Variants in PCDHAC1 observed in about 807,000 individuals in gnomAD.
PCDHAC1 encodes protocadherin alpha-C1.
PCDHAC1 carries 42 observed loss-of-function variants against 60.0 expected under a neutral mutation model. The observed-to-expected ratio is 0.70, with a 90% confidence interval of 0.55 to 0.90. PCDHAC1 has a LOEUF of 0.90. Among genes scored for constraint, PCDHAC1 ranks in the 40% least tolerant of loss-of-function variants. PCDHAC1 has a pLI of 0.00. For synonymous variants in PCDHAC1, 468 were observed against 499.3 expected (o/e 0.94, Z 0.84); for missense variants, 1,160 against 1,222.3 (o/e 0.95, Z 0.76).
rs1436614514 is a variant in PCDHAC1 at position 140,928,208 on chromosome 5, A to AT, written c.1317dup (p.Asp440Ter). 2 of 1,614,110 alleles carry AT rather than the reference A, an allele frequency of 1.2e-6. No homozygotes were observed. Among genetic ancestry groups the AT allele is most frequent in the Non-Finnish European group, 1.7e-6 (2 of 1,180,052 alleles). ...ATCACTGTGTCAGTTGCTGATGTGA[A>AT]TGACAATACACCAAACTTTCCTCAA... On this transcript the variant is annotated frameshift_variant, in exon 1 of 4. Transcript: ENST00000253807. LOFTEE classifies it high-confidence loss of function.
At position 140,951,508 on chromosome 5, in the gene PCDHAC1, G is replaced by A. The variant is rs536073969; in HGVS notation, c.2433+22183G>A. Among the ~76,000 whole-genome samples the A allele has an allele frequency of 3.9e-5, 6 of 152,080 alleles. No individual in the cohort carries two copies. The South Asian group carries it at 6.2e-4, about 16-fold the overall frequency. On this transcript the variant is annotated intron_variant, in intron 1 of 3. Coordinates refer to ENST00000253807, the MANE Select transcript of PCDHAC1 (RefSeq NM_018898.5). ...TCATGGTGGAAGGCAAAAGGAAAGC[G>A]GCTCATCTTACATGGCCGGTGCAGG...
At chr5:140,993,470 A>T (rs1348899420) in intron 3 of PCDHAC1, among the ~76,000 whole-genome samples, 10 of 115,268 alleles carry the variant, frequency 8.7e-5, no homozygotes, top group East Asian at 7.9e-4. Flanking sequence ...TCTCACACAC[A>T]CACACACACA....
chr5:140,968,659 C>T, intron 1 of PCDHAC1: 1 of 1,614,160 alleles, frequency 6.2e-7, no homozygotes, highest in East Asian at 2.2e-5. Flanking sequence ...CTGACCTGGA[C>T]CTCTTTAAGG....
intron 1 of PCDHAC1, among the ~76,000 whole-genome samples, chr5:140,940,000 G>A (rs1442780881): frequency 6.6e-6 from 1 of 152,080 alleles, no homozygotes; most frequent in Non-Finnish European, 1.5e-5. Context: ...CTTGGATTTT[G>A]TCAATTTTTT....
At chr5:140,940,017 T>C (rs1418030283) in intron 1 of PCDHAC1, among the ~76,000 whole-genome samples, 1 of 152,234 alleles carries the variant, frequency 6.6e-6, no homozygotes, top group Non-Finnish European at 1.5e-5. Flanking sequence ...TTTTGTGTCA[T>C]ATGTTTTAAG....
At chr5:140,964,609 T>A (rs2095843840) in intron 1 of PCDHAC1, among the ~76,000 whole-genome samples, 1 of 152,062 alleles carries the variant, frequency 6.6e-6, no homozygotes, top group Non-Finnish European at 1.5e-5. Context: ...AACTTACAAC[T>A]TGATTCCACT....
chr5:140,986,358 A>C (rs1440671712), intron 3 of PCDHAC1, among the ~76,000 whole-genome samples: 1 of 152,116 alleles, frequency 6.6e-6, no homozygotes, highest in African/African-American at 2.4e-5. Context: ...CTTCAGATGG[A>C]GGAATGCGTT....
chr5:140,978,544 A>G (rs2096808919), intron 1 of PCDHAC1, among the ~76,000 whole-genome samples: 1 of 152,234 alleles, frequency 6.6e-6, no homozygotes, highest in Non-Finnish European at 1.5e-5. Context: ...TTGTGTAGCC[A>G]TGTGCCCTGT....
intron 1 of PCDHAC1, among the ~76,000 whole-genome samples, chr5:140,947,863 G>A (rs1438094304): frequency 6.6e-6 from 1 of 151,230 alleles, no homozygotes; most frequent in Non-Finnish European, 1.5e-5. Flanking sequence ...CATTATAATG[G>A]CTAGGACTTC....
At chr5:140,950,778 G>C (rs537312607) in intron 1 of PCDHAC1, among the ~76,000 whole-genome samples, 3 of 152,030 alleles carry the variant, frequency 2.0e-5, no homozygotes, top group Admixed American at 1.3e-4. Flanking sequence ...CATACATATG[G>C]TACTTTTTAA....
intron 3 of PCDHAC1, among the ~76,000 whole-genome samples, chr5:141,001,365 T>C (rs577695639): frequency 6.6e-6 from 1 of 152,354 alleles, no homozygotes; most frequent in African/African-American, 2.4e-5. Context: ...AGCCTACTAT[T>C]CTGATTACAG....
chr5:140,942,995 G>A (rs933167090), intron 1 of PCDHAC1, among the ~76,000 whole-genome samples: 7 of 152,042 alleles, frequency 4.6e-5, no homozygotes, highest in African/African-American at 1.2e-4. Context: ...GGTGGCTCAT[G>A]CCTGTAATCC....
intron 1 of PCDHAC1, among the ~76,000 whole-genome samples, chr5:140,956,034 A>C (rs1274584028): frequency 1.3e-5 from 2 of 152,200 alleles, no homozygotes; most frequent in Non-Finnish European, 2.9e-5. Flanking sequence ...TTATCAGCTT[A>C]AGAAGCTTTT....
chr5:140,936,037 C>A (rs2090734622), intron 1 of PCDHAC1, among the ~76,000 whole-genome samples: 2 of 151,862 alleles, frequency 1.3e-5, no homozygotes, highest in Non-Finnish European at 1.5e-5. Flanking sequence ...GGATTACAGG[C>A]ACCCACCACC....
intron 3 of PCDHAC1, among the ~76,000 whole-genome samples, chr5:141,005,519 C>T (rs1374058521): frequency 1.3e-5 from 2 of 151,140 alleles, no homozygotes; most frequent in Middle Eastern, 3.2e-3. Context: ...CTGGCTAACA[C>T]GGTGAAACCC....
chr5:140,963,680 T>G (rs1482854996), intron 1 of PCDHAC1, among the ~76,000 whole-genome samples: 1 of 152,238 alleles, frequency 6.6e-6, no homozygotes, highest in African/African-American at 2.4e-5. Context: ...TTAAATGTGT[T>G]TATCCGTGTT....
intron 1 of PCDHAC1, 161 bp downstream of exon 1, chr5:140,929,486 T>G (rs1258020318): frequency 8.8e-7 from 1 of 1,141,828 alleles, no homozygotes; most frequent in Non-Finnish European, 1.2e-6. Flanking sequence ...TATAGAAGTA[T>G]TAGAAGATTG....
rs565763627 is a variant in PCDHAC1, at chr5:140,989,336, C to G, written c.2581+6773C>G. ...GTCTCACCAACTTTGCCACCTGACT[C>G]AGCTCAAAGGTGATAGGTCACCTGT... is the stretch of plus-strand genomic sequence containing the variant. On this transcript the variant is annotated intron_variant, in intron 3 of 3. Transcript: ENST00000253807. Among the ~76,000 whole-genome samples, 6 of 152,272 alleles carry G rather than the reference C, an allele frequency of 3.9e-5. 1 individual carries two copies. In the South Asian group the frequency reaches 1.0e-3, roughly 26 times the overall value.
intron 1 of PCDHAC1, among the ~76,000 whole-genome samples, chr5:140,941,215 C>CTTT (rs782548958): frequency 2.3e-4 from 24 of 104,510 alleles, no homozygotes; most frequent in African/African-American, 3.3e-4. Context: ...TTCTTTCTTC[C>CTTT]TTTCTTTCTT....
Sources: allele counts gnomAD v4.1 joint callset (sites outside exome capture counted in the v4.1 genomes callset), GRCh38; gene constraint gnomAD v4.1.1; transcripts MANE v1.5; gene names NCBI Gene and HGNC (gene_info 2026-07-23, HGNC 2026-07-21).